ATF6B: variants seen among roughly 807,000 people sequenced by gnomAD.
The protein encoded by ATF6B is activating transcription factor 6 beta.
A neutral mutation model predicts 83.5 loss-of-function variants in ATF6B; 50 were observed. That is an observed-to-expected ratio of 0.60 (90% CI 0.48 to 0.76). The LOEUF is 0.76. ATF6B is among the 30% of genes least tolerant of loss of function. The probability of loss-of-function intolerance (pLI) is 0.00; values close to 1 mark genes in which losing one functional copy is unlikely to be tolerated. For missense variants in ATF6B, 790 were observed against 893.8 expected, an observed-to-expected ratio of 0.88 and a Z score of 1.48; for synonymous variants, 344 against 362.8, an observed-to-expected ratio of 0.95 and a Z score of 0.59.
At position 32,125,302 on chromosome 6, in the gene ATF6B, TTTC is replaced by T. The variant is rs1192626554; in HGVS notation, c.478+812_478+814del. ...GCATGGAGTAGGTGCTTAATAAATA[TTTC>T]TTTTTTATAATTATTATACCTCAGA... is the stretch of plus-strand genomic sequence containing the variant. On this transcript the variant is annotated intron_variant, in intron 5 of 17. Coordinates refer to ENST00000375203, the MANE Select transcript of ATF6B (RefSeq NM_004381.5). This position sits in a 1 kb window ranked among gnomAD's most constrained non-coding sequence, Gnocchi z 4.1. Among the ~76,000 whole-genome samples, 1 of 152,266 alleles carries T rather than the reference TTTC, an allele frequency of 6.6e-6. No homozygotes were observed. The highest frequency in any genetic ancestry group is 1.5e-5 in the Non-Finnish European group (1 of 68,052).
rs1781532801 is a variant in ATF6B at position 32,116,459 on chromosome 6, ACCC to A, written c.1882+18_1882+20del. 1.2e-6 allele frequency: 2 copies of A among 1,604,454 alleles called. No individual in the cohort carries two copies. The highest frequency in any genetic ancestry group is 1.7e-6 in the Non-Finnish European group (2 of 1,173,678). ...ATCTCCCTGTTGGAACTGCCCCCAT[ACCC>A]AGCAGGGAAAGAGTTACCATTGGGG... is the stretch of plus-strand genomic sequence containing the variant. On this transcript the variant is annotated intron_variant, in intron 17 of 17. Transcript: ENST00000375203. This position sits in a 1 kb window ranked among gnomAD's most constrained non-coding sequence, Gnocchi z 5.1.
Position 32,127,454 on chromosome 6 carries a change from G to T in ATF6B, c.238C>A (p.Pro80Thr). The T allele has an allele frequency of 6.2e-7, 1 of 1,612,234 alleles. No individual in the cohort carries two copies. Among genetic ancestry groups the T allele is most frequent in the East Asian group, 2.2e-5 (1 of 44,814 alleles). The change falls in exon 3 of 18, where the codon CCG (proline) becomes ACG (threonine). Residue 80 changes from proline (P) to threonine (T), a missense_variant. Physicochemically the swap from Pro to Thr is conservative, Grantham distance 38. Around this residue, in one of 3 missense-constraint regions of ATF6B, gnomAD observed 253 missense variants for 243.1 expected, o/e 1.04. Transcript: ENST00000375203. ...SPSEPPWELL[P>T]IFPDLQVKSE... ...AAGACTACCTTACCTGGGAAGATCG[G>T]CAGGAGTTCCCATGGGGGCTCAGAG... is the stretch of plus-strand genomic sequence containing the variant.
rs766620333 is a variant in ATF6B, at chr6:32,117,702, G to A, written c.1425-8C>T. On this transcript the variant is annotated splice_polypyrimidine_tract_variant and splice_region_variant and intron_variant, in intron 12 of 17. Coordinates refer to ENST00000375203, the MANE Select transcript of ATF6B (RefSeq NM_004381.5). This position sits in a 1 kb window ranked among gnomAD's most constrained non-coding sequence, Gnocchi z 5.0. The stretch of plus-strand genomic sequence containing the variant: ...GGGAAGGCTGTCAGGTTGCTGGAGT[G>A]AAGCAGGAAGGAGACAACACTTGGA... 1.2e-6 allele frequency: 2 copies of A among 1,612,950 alleles called. No homozygotes were observed. Among genetic ancestry groups the A allele is most frequent in the East Asian group, 2.2e-5 (1 of 44,866 alleles).
chr6:32,128,188 A>G lies in ATF6B; in HGVS notation c.20T>C (p.Leu7Pro). Residue 7 changes from leucine to proline, a missense_variant, in exon 1 of 18, where the codon CTC (leucine) becomes CCC (proline). Coordinates refer to ENST00000375203, the MANE Select transcript of ATF6B (RefSeq NM_004381.5). The part of the protein sequence containing the change: MAELML[L>P]SEIADPTRFF... ...ACGCGTCGGGTCAGCAATCTCGCTG[A>G]GCAGCATCAGCTCCGCCATCTTTCC... 2 of 1,612,318 alleles carry G rather than the reference A, an allele frequency of 1.2e-6. No homozygotes were observed. Among genetic ancestry groups the G allele is most frequent in the Non-Finnish European group, 1.7e-6 (2 of 1,179,774 alleles).
rs1277865200 is a variant in ATF6B at position 32,116,987 on chromosome 6, C to A, written c.1685+50G>T. Reference sequence around the variant, plus strand: ...CAGGACAGCTACTGGGGGTACAGCTCTTGAAAGTGGAATTTCACTTAATAA... The same window carrying A: ...CAGGACAGCTACTGGGGGTACAGCTATTGAAAGTGGAATTTCACTTAATAA... On this transcript the variant is annotated intron_variant, in intron 15 of 17. Transcript: ENST00000375203. This position sits in a 1 kb window ranked among gnomAD's most constrained non-coding sequence, Gnocchi z 5.1. 1.9e-6 allele frequency: 3 copies of A among 1,592,456 alleles called. No individual in the cohort carries two copies. The highest frequency in any genetic ancestry group is 1.7e-6 in the Non-Finnish European group (2 of 1,161,250).
Position 32,127,437 on chromosome 6 carries a change from C to G in ATF6B, c.250+5G>C. ...AATCTGAGGGAACGACAAAGACTAC[C>G]TTACCTGGGAAGATCGGCAGGAGTT... On this transcript the variant is annotated splice_donor_5th_base_variant and intron_variant, in intron 3 of 17. Coordinates refer to ENST00000375203, the MANE Select transcript of ATF6B (RefSeq NM_004381.5). 6.2e-7 allele frequency: 1 copy of G among 1,608,098 alleles called. No homozygotes were observed. The highest frequency in any genetic ancestry group is 8.5e-7 in the Non-Finnish European group (1 of 1,176,444).
chr6:32,126,155 A>G lies in ATF6B; in HGVS notation c.440T>C (p.Val147Ala). ...AGAGGTGGGGATAACGTTGATCTGGACGGTTTCAAATGAGGATGTTGGGTC... is the reference window on the plus strand; with the variant it reads ...AGAGGTGGGGATAACGTTGATCTGGGCGGTTTCAAATGAGGATGTTGGGTC... ...GDDPTSSFET[V>A]QINVIPTSDD... The change falls in exon 5 of 18, where the codon GTC becomes GCC. Residue 147 changes from valine to alanine, a missense_variant. By Grantham distance (64) the Val-to-Ala change is moderately conservative. Coordinates refer to ENST00000375203, the MANE Select transcript of ATF6B (RefSeq NM_004381.5). 2 of 1,614,164 alleles carry G rather than the reference A, an allele frequency of 1.2e-6. No homozygotes were observed. The highest frequency in any genetic ancestry group is 1.7e-6 in the Non-Finnish European group (2 of 1,180,042).
At chr6:32,122,559 A>G (rs1430368338) in intron 5 of ATF6B, among the ~76,000 whole-genome samples, 3 of 152,208 alleles carry the variant, frequency 2.0e-5, no homozygotes, top group Non-Finnish European at 4.4e-5. Context: ...AGTCAAAAAA[A>G]AAATCTTGGC....
At chr6:32,123,385 AAT>A (rs1426814950) in intron 5 of ATF6B, among the ~76,000 whole-genome samples, 4 of 152,104 alleles carry the variant, frequency 2.6e-5, no homozygotes, top group Admixed American at 2.6e-4. Flanking sequence ...ATCTGACTCT[AAT>A]AACACTATGC....
rs938574962 is a variant in ATF6B at position 32,121,286 on chromosome 6, G to A, written c.541C>T (p.Leu181Phe). The A allele has an allele frequency of 1.9e-6, 3 of 1,614,118 alleles. No individual in the cohort carries two copies. Among genetic ancestry groups the A allele is most frequent in the African/African-American group, 1.3e-5 (1 of 75,074 alleles). Residue 181 changes from leucine to phenylalanine, a missense_variant, in exon 6 of 18, where the codon CTC (leucine) becomes TTC (phenylalanine). This residue lies in a region of ATF6B where 253 missense variants were observed against 243.1 expected (regional missense o/e 1.04). Coordinates refer to ENST00000375203, the MANE Select transcript of ATF6B (RefSeq NM_004381.5). ...CSSVNSEASL[L>F]SADSSSQAFI... is the part of the protein sequence containing the mutation. Reference sequence around the variant, plus strand: ...ACCTGGCTGGAGGAGTCGGCTGAGAGCAGGGAGGCCTCAGAGTTGACGGAA... The same window carrying A: ...ACCTGGCTGGAGGAGTCGGCTGAGAACAGGGAGGCCTCAGAGTTGACGGAA...
rs144932470 is a variant in ATF6B at position 32,127,424 on chromosome 6, C to A, written c.250+18G>T. ...GAGGGTTTCTGGAAATCTGAGGGAACGACAAAGACTACCTTACCTGGGAAG... is the reference window on the plus strand; with the variant it reads ...GAGGGTTTCTGGAAATCTGAGGGAAAGACAAAGACTACCTTACCTGGGAAG... On this transcript the variant is annotated intron_variant, in intron 3 of 17. Transcript: ENST00000375203. The A allele has an allele frequency of 6.3e-7, 1 of 1,597,076 alleles. No individual in the cohort carries two copies. Among genetic ancestry groups the A allele is most frequent in the South Asian group, 1.1e-5 (1 of 89,594 alleles).
At position 32,118,774 on chromosome 6, in the gene ATF6B, C is replaced by A; in HGVS notation, c.1244+1G>T. 1 of 1,614,076 alleles carries A rather than the reference C, an allele frequency of 6.2e-7. No homozygotes were observed. The highest frequency in any genetic ancestry group is 2.2e-5 in the East Asian group (1 of 44,884). On this transcript the variant is annotated splice_donor_variant, in intron 11 of 17. Transcript: ENST00000375203. LOFTEE classifies it high-confidence loss of function. The surrounding 1 kb of genome is among the most constrained non-coding windows in gnomAD (Gnocchi z 5.2). ...TTCTAGTGAAGCAAGGAAGGTCTCA[C>A]CTGACAGGTCCAAAGTTGAAGGCAA...
intron 5 of ATF6B, among the ~76,000 whole-genome samples, chr6:32,124,564 A>T (rs35152141): frequency 0.027 from 4,035 of 152,200 alleles, 90 homozygotes; most frequent in South Asian, 0.092. Context: ...AATTCTCCAA[A>T]GGCCCCCACC....
rs1235574456 is a variant in ATF6B at position 32,125,249 on chromosome 6, G to C, written c.478+868C>G. On this transcript the variant is annotated intron_variant, in intron 5 of 17. Transcript: ENST00000375203. This position sits in a 1 kb window ranked among gnomAD's most constrained non-coding sequence, Gnocchi z 4.1. ...TGGTGGTCAGGTCTTGTTCATCTTT[G>C]CATTCCCAGCATGCTGCTCAGTATC... 6.6e-6 allele frequency among the ~76,000 whole-genome samples: 1 copy of C among 152,206 alleles called. No homozygotes were observed. Among genetic ancestry groups the C allele is most frequent in the Non-Finnish European group, 1.5e-5 (1 of 68,042 alleles).
chr6:32,117,433 C>G lies in ATF6B; in HGVS notation c.1533-29G>C. 1 of 1,611,692 alleles carries G rather than the reference C, an allele frequency of 6.2e-7. No individual in the cohort carries two copies. The highest frequency in any genetic ancestry group is 8.5e-7 in the Non-Finnish European group (1 of 1,178,668). ...GGGAAATGGAGGAGCTCAGGACCTC[C>G]ATGCCAGGCCAAGATTCCCACCCTC... On this transcript the variant is annotated intron_variant, in intron 13 of 17. Coordinates refer to ENST00000375203, the MANE Select transcript of ATF6B (RefSeq NM_004381.5). The surrounding 1 kb of genome is among the most constrained non-coding windows in gnomAD (Gnocchi z 5.0).
intron 4 of ATF6B, 34 bp downstream of exon 4, chr6:32,127,069 G>T (rs372510610): frequency 1.4e-6 from 2 of 1,479,476 alleles, no homozygotes; most frequent in African/African-American, 1.4e-5. Flanking sequence ...CAGAGTCCCC[G>T]TCACAGAGAG....
chr6:32,120,777 G>A lies in ATF6B; in HGVS notation c.826C>T (p.Pro276Ser), dbSNP rs753417992. The A allele has an allele frequency of 9.9e-6, 16 of 1,610,388 alleles. No homozygotes were observed. Among genetic ancestry groups the A allele is most frequent in the Non-Finnish European group, 7.6e-6 (9 of 1,178,152 alleles). Residue 276 changes from proline to serine, a missense_variant, in exon 8 of 18, where the codon CCC (proline) becomes TCC (serine). By Grantham distance (74) the Pro-to-Ser change is moderately conservative. Coordinates refer to ENST00000375203, the MANE Select transcript of ATF6B (RefSeq NM_004381.5). Reference sequence around the variant, plus strand: ...TTTTCTCCTTCTTCAGTACCTGGGGGTGGCTGGACGAGGGACTGCAGAAGG... The same window carrying A: ...TTTTCTCCTTCTTCAGTACCTGGGGATGGCTGGACGAGGGACTGCAGAAGG... ...TVLLQSLVQP[P>S]PVSPVVLIQG...
Position 32,128,140 on chromosome 6 carries a change from C to T in ATF6B, c.68G>A (p.Ser23Asn). The T allele has an allele frequency of 1.2e-6, 2 of 1,613,450 alleles. No homozygotes were observed. Among genetic ancestry groups the T allele is most frequent in the Non-Finnish European group, 8.5e-7 (1 of 1,180,022 alleles). ...ACTCTGCAGACCCCAGTCCTCCGGGCTAAGCAGGTTGTCGGTGAAGAAACG... is the reference window on the plus strand; with the variant it reads ...ACTCTGCAGACCCCAGTCCTCCGGGTTAAGCAGGTTGTCGGTGAAGAAACG... ...PTRFFTDNLL[S>N]PEDWGLQNST... The change falls in exon 1 of 18, where the codon AGC becomes AAC. Residue 23 changes from serine (S) to asparagine (N), a missense_variant. Ser to Asn is a conservative substitution (Grantham distance 46). Coordinates refer to ENST00000375203, the MANE Select transcript of ATF6B (RefSeq NM_004381.5).
In ATF6B at chr6:32,128,211, T is replaced by TGGGCCCC; in HGVS notation, c.-5_-4insGGGGCCC. The TGGGCCCC allele has an allele frequency of 7.8e-6, 12 of 1,536,150 alleles. No homozygotes were observed. The highest frequency in any genetic ancestry group is 1.1e-5 in the South Asian group (1 of 87,848). ...TGAGCAGCATCAGCTCCGCCATCTTTCCCCCCCACCCCCCAACCAGGAGAC... is the reference window on the plus strand; with the variant it reads ...TGAGCAGCATCAGCTCCGCCATCTTTGGGCCCCCCCCCCCACCCCCCAACCAGGAGAC... On this transcript the variant is annotated 5_prime_UTR_variant, in exon 1 of 18. Coordinates refer to ENST00000375203, the MANE Select transcript of ATF6B (RefSeq NM_004381.5).
Sources: gnomAD v4.1 joint callset for allele counts (sites outside exome capture counted in the v4.1 genomes callset) on GRCh38, gnomAD v4.1.1 for gene constraint, gnomAD v4.1.1 regional missense constraint, Gnocchi (gnomAD v3.1) non-coding constraint, MANE v1.5 for transcripts, NCBI Gene and HGNC (gene_info 2026-07-23, HGNC 2026-07-21) for gene names.